TPRG1: variants seen among roughly 807,000 people sequenced by gnomAD.
TPRG1 encodes tumor protein p63-regulated gene 1 protein.
A neutral mutation model predicts 29.3 loss-of-function variants in TPRG1; 29 were observed. That is an observed-to-expected ratio of 0.99 (90% CI 0.74 to 1.35). The LOEUF is 1.35. Among genes scored for constraint, TPRG1 ranks in the 40% most tolerant of loss-of-function variants. The pLI is 0.00. For missense variants in TPRG1, 327 were observed against 335.0 expected (o/e 0.98, Z 0.19); for synonymous variants, 130 against 116.8 (o/e 1.11, Z -0.73).
chr3:189,001,677 T>C (rs1335488576), intron 2 of TPRG1, among the ~76,000 whole-genome samples: 1 of 152,116 alleles, frequency 6.6e-6, no homozygotes, highest in East Asian at 1.9e-4. Flanking sequence ...TGCAGCTTTG[T>C]GTTATTGAAA....
intron 3 of TPRG1, among the ~76,000 whole-genome samples, chr3:189,139,570 G>A (rs568270722): frequency 7.2e-5 from 11 of 152,032 alleles, no homozygotes; most frequent in East Asian, 3.9e-4. Flanking sequence ...AACAACTCGC[G>A]ACAATGATTA....
chr3:189,286,424 G>A (rs952722489), intron 4 of TPRG1, among the ~76,000 whole-genome samples: 8 of 152,218 alleles, frequency 5.3e-5, no homozygotes, highest in African/African-American at 1.9e-4. Flanking sequence ...TGCATCCTCT[G>A]TGTCTACAAC....
chr3:189,020,949 C>T (rs1169339569), intron 3 of TPRG1, among the ~76,000 whole-genome samples: 5 of 136,014 alleles, frequency 3.7e-5, no homozygotes, highest in Non-Finnish European at 6.3e-5. Context: ...GGATAGTTAG[C>T]TCTTCTTGTT....
At chr3:189,146,332 C>T (rs1481135754) in intron 3 of TPRG1, among the ~76,000 whole-genome samples, 1 of 152,152 alleles carries the variant, frequency 6.6e-6, no homozygotes, top group Non-Finnish European at 1.5e-5. Context: ...GAGAAGGCGC[C>T]CGTAAGTCTC....
chr3:189,195,062 T>A (rs185457055), intron 1 of TPRG1, among the ~76,000 whole-genome samples: 125 of 152,236 alleles, frequency 8.2e-4, no homozygotes, highest in Non-Finnish European at 1.6e-3. Flanking sequence ...AACCCTGAGA[T>A]GCAAAGCTGC....
intron 4 of TPRG1, among the ~76,000 whole-genome samples, chr3:189,247,965 A>AT (rs55902109): frequency 1.7e-4 from 25 of 150,076 alleles, no homozygotes; most frequent in African/African-American, 4.6e-4. Flanking sequence ...TGACATATAG[A>AT]TTTTTTTTTT....
intron 3 of TPRG1, among the ~76,000 whole-genome samples, chr3:189,139,819 GC>G (rs1239448860): frequency 6.6e-6 from 1 of 152,072 alleles, no homozygotes; most frequent in Non-Finnish European, 1.5e-5. Flanking sequence ...AAATGTACCG[GC>G]TGGTCTGCTG....
At chr3:189,042,655 T>C (rs1714705609) in intron 4 of TPRG1, among the ~76,000 whole-genome samples, 1 of 151,964 alleles carries the variant, frequency 6.6e-6, no homozygotes, top group Non-Finnish European at 1.5e-5. Flanking sequence ...ATATTGTATC[T>C]CAGCTGCTTG....
chr3:189,187,484 T>A (rs997674612), intron 1 of TPRG1, among the ~76,000 whole-genome samples: 75 of 151,956 alleles, frequency 4.9e-4, no homozygotes, highest in South Asian at 2.3e-3. Context: ...TTTTATTTTT[T>A]TTTTTTGTAT....
chr3:189,215,795 T>C (rs1735978534), intron 3 of TPRG1, among the ~76,000 whole-genome samples: 1 of 152,200 alleles, frequency 6.6e-6, no homozygotes, highest in East Asian at 1.9e-4. Flanking sequence ...AATCAACATA[T>C]ATACTTTGAA....
intron 4 of TPRG1, among the ~76,000 whole-genome samples, chr3:189,054,610 C>T (rs1481592409): frequency 6.6e-6 from 1 of 151,906 alleles, no homozygotes; most frequent in Non-Finnish European, 1.5e-5. Context: ...TCTACACACA[C>T]ACACCCACAG....
chr3:189,031,045 G>A (rs1713905402), intron 4 of TPRG1, among the ~76,000 whole-genome samples: 1 of 152,180 alleles, frequency 6.6e-6, no homozygotes, highest in African/African-American at 2.4e-5. Flanking sequence ...TGAGGCGGGT[G>A]GATTGCTTGA....
intron 1 of TPRG1, among the ~76,000 whole-genome samples, chr3:189,105,893 C>T (rs1719763036): frequency 1.3e-5 from 2 of 152,002 alleles, no homozygotes; most frequent in Non-Finnish European, 2.9e-5. Flanking sequence ...TCCACTGGGG[C>T]ATGTTGGGTT....
chr3:189,313,072 A>G (rs1048581991), intron 5 of TPRG1: 2 of 151,548 alleles, frequency 1.3e-5, no homozygotes, highest in Non-Finnish European at 2.9e-5. Context: ...TTCCTTTAGC[A>G]ATAGTCTGGC....
chr3:189,124,982 A>T (rs767018134), intron 1 of TPRG1, among the ~76,000 whole-genome samples: 2 of 152,154 alleles, frequency 1.3e-5, no homozygotes, highest in African/African-American at 2.4e-5. Context: ...ATCTTAAGTG[A>T]TTTACTTTAA....
At chr3:189,232,440 A>C (rs1012280821) in intron 3 of TPRG1, among the ~76,000 whole-genome samples, 1 of 152,244 alleles carries the variant, frequency 6.6e-6, no homozygotes, top group African/African-American at 2.4e-5. Flanking sequence ...ATGGAGTAGC[A>C]AGCCCTATGG....
rs900612419 is a variant in TPRG1 at position 189,084,378 on chromosome 3, A to G, written c.-462-42679A>G. Among the ~76,000 whole-genome samples, 3 of 152,296 alleles carry G rather than the reference A, an allele frequency of 2.0e-5. No homozygotes were observed. In the East Asian group the frequency reaches 5.8e-4, roughly 29 times the overall value. On this transcript the variant is annotated intron_variant, in intron 4 of 10. Coordinates refer to the TPRG1 transcript ENST00000433971. ...AAACTTTCTGCTCAATATATATTCT[A>G]TCATAAAAATAAGGAGCCATCCTTT...
At chr3:189,140,762 C>T (rs528100775) in intron 3 of TPRG1, among the ~76,000 whole-genome samples, 87 of 152,320 alleles carry the variant, frequency 5.7e-4, no homozygotes, top group African/African-American at 1.9e-3. Context: ...TAATCATGCA[C>T]TCTGTAAGTA....
intron 4 of TPRG1, among the ~76,000 whole-genome samples, chr3:189,073,683 G>A (rs1002013690): frequency 1.3e-5 from 2 of 152,126 alleles, no homozygotes; most frequent in Non-Finnish European, 2.9e-5. Flanking sequence ...GCTCAGAAAA[G>A]TGTCACATTC....
Sources: gnomAD v4.1 joint callset for allele counts (sites outside exome capture counted in the v4.1 genomes callset) on GRCh38, gnomAD v4.1.1 for gene constraint, MANE v1.5 for transcripts, NCBI Gene and HGNC (gene_info 2026-07-23, HGNC 2026-07-21) for gene names.